The following ADCY3 variants were observed in gnomAD, a reference collection of about 807,000 sequenced individuals.
ADCY3 encodes adenylate cyclase 3.
ADCY3 carries 70 observed loss-of-function variants against 119.4 expected under a neutral mutation model. That is an observed-to-expected ratio of 0.59 (90% confidence interval 0.48 to 0.72). The LOEUF is 0.72. Among genes scored for constraint, ADCY3 ranks in the 30% least tolerant of loss-of-function variants. ADCY3 has a pLI of 0.00. For synonymous variants in ADCY3, 672 were observed against 621.4 expected (o/e 1.08, Z -1.21); for missense variants, 1,238 against 1,541.6 (o/e 0.80, Z 3.30).
intron 3 of ADCY3, among the ~76,000 whole-genome samples, chr2:24,866,046 A>G (rs1193033879): frequency 1.3e-5 from 2 of 152,158 alleles, no homozygotes; most frequent in African/African-American, 4.8e-5. Flanking sequence ...CTTTCTGTAC[A>G]CTATTACCCT....
At chr2:24,843,010 C>T (rs1018623898) in intron 3 of ADCY3, among the ~76,000 whole-genome samples, 5 of 152,198 alleles carry the variant, frequency 3.3e-5, no homozygotes, top group African/African-American at 9.7e-5. Flanking sequence ...GGGGAGGAGG[C>T]ATCAAGGAGG....
intron 2 of ADCY3, among the ~76,000 whole-genome samples, chr2:24,879,490 C>G (rs1676131615): frequency 6.7e-6 from 1 of 150,052 alleles, no homozygotes; most frequent in Non-Finnish European, 1.5e-5. Flanking sequence ...TGAAAGACTG[C>G]ACATACCTCA....
chr2:24,836,243 T>C (rs1205834987), intron 9 of ADCY3, among the ~76,000 whole-genome samples: 2 of 152,210 alleles, frequency 1.3e-5, no homozygotes, highest in African/African-American at 2.4e-5. Flanking sequence ...TTACTGAATG[T>C]TGGGGGACTC....
In ADCY3 at chr2:24,911,968, C is replaced by T. The variant is rs142141215; in HGVS notation, c.675+6345G>A. ...CTGGACAAGTCATTTCAGTTGTCAC[C>T]CATTTCAGTTTCCTGATCTGTAAAA... On this transcript the variant is annotated intron_variant, in intron 2 of 21. Coordinates refer to ENST00000679454, the MANE Select transcript of ADCY3 (RefSeq NM_004036.5). Among the ~76,000 whole-genome samples the T allele has an allele frequency of 3.9e-3, 598 of 152,316 alleles. 2 individuals carry two copies. Among genetic ancestry groups the T allele is most frequent in the African/African-American group, 0.014 (569 of 41,558 alleles).
rs757514753 is a variant in ADCY3 at position 24,842,232 on chromosome 2, C to G, written c.956+22G>C. 1.9e-6 allele frequency: 3 copies of G among 1,613,542 alleles called. No homozygotes were observed. The South Asian group carries it at 3.3e-5, about 18-fold the overall frequency. ...TCCACAGCCTGCTCTGCCATCAGAG[C>G]CCGCGCCCCGGGCCGGCGTACCTGA... On this transcript the variant is annotated intron_variant, in intron 4 of 21. Transcript: ENST00000679454. This position sits in a 1 kb window ranked among gnomAD's most constrained non-coding sequence, Gnocchi z 4.9.
chr2:24,842,471 T>C lies in ADCY3; in HGVS notation c.826-87A>G. ...CTTCTGGGAAGAAATGCCCCGATCC[T>C]GGCAAGAAACGTGAGCAGGGAACCA... On this transcript the variant is annotated intron_variant, in intron 3 of 21. Transcript: ENST00000679454. This position sits in a 1 kb window ranked among gnomAD's most constrained non-coding sequence, Gnocchi z 4.9. The C allele has an allele frequency of 2.6e-6, 4 of 1,544,430 alleles. No individual in the cohort carries two copies. Among genetic ancestry groups the C allele is most frequent in the Non-Finnish European group, 3.5e-6 (4 of 1,133,280 alleles).
At chr2:24,901,421 T>G (rs982160719) in intron 2 of ADCY3, among the ~76,000 whole-genome samples, 1 of 152,188 alleles carries the variant, frequency 6.6e-6, no homozygotes, top group Non-Finnish European at 1.5e-5. Context: ...GAAAGCGCGT[T>G]GTTTCTAAAA....
chr2:24,884,168 G>A (rs551405093), intron 2 of ADCY3, among the ~76,000 whole-genome samples: 163 of 152,106 alleles, frequency 1.1e-3, no homozygotes, highest in African/African-American at 3.9e-3. Context: ...CTGAGTTGCT[G>A]TTTTTCCAGT....
Position 24,819,870 on chromosome 2 carries a change from T to G in ADCY3, c.*62A>C. ...ACTTCAATCCAGGAAGGTCGGGACT[T>G]CCTTCAGTTTCAAAAAATAAATTCT... On this transcript the variant is annotated 3_prime_UTR_variant, in exon 22 of 22. Coordinates refer to ENST00000679454, the MANE Select transcript of ADCY3 (RefSeq NM_004036.5). 1 of 1,548,328 alleles carries G rather than the reference T, an allele frequency of 6.5e-7. No homozygotes were observed. Among genetic ancestry groups the G allele is most frequent in the Non-Finnish European group, 8.8e-7 (1 of 1,136,600 alleles).
chr2:24,913,404 C>T (rs1295911591), intron 2 of ADCY3, among the ~76,000 whole-genome samples: 5 of 152,208 alleles, frequency 3.3e-5, no homozygotes, highest in Non-Finnish European at 7.4e-5. Context: ...TGTTCAGCTA[C>T]GTTGCTTAGC....
At position 24,839,929 on chromosome 2, in the gene ADCY3, G is replaced by A. The variant is rs746275318; in HGVS notation, c.1299C>T (p.Asp433=). 9 of 1,613,840 alleles carry A rather than the reference G, an allele frequency of 5.6e-6. No homozygotes were observed. Among genetic ancestry groups the A allele is most frequent in the Admixed American group, 1.7e-5 (1 of 60,032 alleles). The change falls in exon 7 of 22, where the codon GAC becomes GAT. Residue 433 remains aspartate, a synonymous_variant. Coordinates refer to ENST00000679454, the MANE Select transcript of ADCY3 (RefSeq NM_004036.5). ...GVLGQKRWQY[D]VWSTDVTVAN... is the part of the protein sequence containing the mutation. ...CTACAGTGACATCAGTCGACCACAC[G>A]TCGTACTGCCAGCGCTTCTGGCCCA...
chr2:24,895,941 A>G (rs528936526), intron 2 of ADCY3, among the ~76,000 whole-genome samples: 34 of 152,260 alleles, frequency 2.2e-4, no homozygotes, highest in Admixed American at 7.2e-4. Context: ...TATTAATCCT[A>G]TCTACCTAGC....
chr2:24,909,532 C>CT (rs1256245032), intron 2 of ADCY3, among the ~76,000 whole-genome samples: 1 of 152,120 alleles, frequency 6.6e-6, no homozygotes, highest in Non-Finnish European at 1.5e-5. Flanking sequence ...AAGGCAAAGT[C>CT]TATACAGATG....
intron 2 of ADCY3, among the ~76,000 whole-genome samples, chr2:24,900,340 GT>G (rs1370330295): frequency 1.7e-5 from 2 of 117,416 alleles, no homozygotes; most frequent in Non-Finnish European, 3.6e-5. Flanking sequence ...GCCAGACTCT[GT>G]CTCAAAAAAA....
At chr2:24,863,939 C>T (rs2148748741) in intron 3 of ADCY3, among the ~76,000 whole-genome samples, 1 of 152,282 alleles carries the variant, frequency 6.6e-6, no homozygotes, top group African/African-American at 2.4e-5. Context: ...ACAAGGAAAA[C>T]TTAAGTGCCT....
chr2:24,820,238 C>G, intron 21 of ADCY3, 124 bp from the exon 22 acceptor site: 1 of 1,196,972 alleles, frequency 8.4e-7, no homozygotes, highest in Non-Finnish European at 1.1e-6. Flanking sequence ...CGGGACACTC[C>G]CCAAACCTCC....
chr2:24,831,382 A>G (rs1369626653), intron 12 of ADCY3, among the ~76,000 whole-genome samples: 1 of 152,166 alleles, frequency 6.6e-6, no homozygotes, highest in Non-Finnish European at 1.5e-5. Context: ...TTGTTTACCC[A>G]GACTCTGCCG....
chr2:24,841,721 A>G lies in ADCY3; in HGVS notation c.957-54T>C. ...CGCTCCAGGCAGCCAGGTGTACCCG[A>G]CCCCACTGCCAGCTCCCTCTCCAAC... On this transcript the variant is annotated intron_variant, in intron 4 of 21. Transcript: ENST00000679454. This position sits in a 1 kb window ranked among gnomAD's most constrained non-coding sequence, Gnocchi z 5.8. 1 of 1,399,664 alleles carries G rather than the reference A, an allele frequency of 7.1e-7. No individual in the cohort carries two copies. The highest frequency in any genetic ancestry group is 1.0e-6 in the Non-Finnish European group (1 of 994,996). 86.7% of individuals were successfully genotyped at this position (1,399,664 alleles called of 1,614,324 possible).
chr2:24,873,370 A>G (rs893493023), intron 2 of ADCY3, among the ~76,000 whole-genome samples: 2 of 152,162 alleles, frequency 1.3e-5, no homozygotes, highest in Admixed American at 1.3e-4. Context: ...CCCAGTACCA[A>G]TACTCAGGTC....
Sources: allele counts gnomAD v4.1 joint callset (sites outside exome capture counted in the v4.1 genomes callset), GRCh38; gene constraint gnomAD v4.1.1; non-coding constraint Gnocchi (gnomAD v3.1); transcripts MANE v1.5; gene names NCBI Gene and HGNC (gene_info 2026-07-23, HGNC 2026-07-21).